SLC35F4: variants seen among roughly 807,000 people sequenced by gnomAD.
SLC35F4 encodes the protein solute carrier family 35 member F4.
Under a neutral mutation model 44.2 loss-of-function variants are expected in SLC35F4, and 24 were observed. The ratio of observed to expected loss-of-function variants is 0.54; its 90% confidence interval spans 0.39 to 0.76. The LOEUF is 0.76. SLC35F4 is among the 30% of genes least tolerant of loss of function. SLC35F4 has a pLI of 0.00. For missense variants in SLC35F4, 562 were observed against 586.1 expected, an observed-to-expected ratio of 0.96 and a Z score of 0.42; for synonymous variants, 238 against 223.6, an observed-to-expected ratio of 1.06 and a Z score of -0.57.
chr14:57,777,524 G>C (rs1392614532), intron 1 of SLC35F4, among the ~76,000 whole-genome samples: 1 of 151,994 alleles, frequency 6.6e-6, no homozygotes, highest in African/African-American at 2.4e-5. Context: ...AACTATCACA[G>C]GGACAGAAAA....
chr14:57,971,609 A>T (rs902501421), intron 1 of SLC35F4, among the ~76,000 whole-genome samples: 1 of 152,194 alleles, frequency 6.6e-6, no homozygotes, highest in African/African-American at 2.4e-5. Context: ...AACCTGGAGG[A>T]CTATGCTAAG....
At chr14:57,717,098 C>T (rs1329788766) in intron 1 of SLC35F4, among the ~76,000 whole-genome samples, 2 of 151,998 alleles carry the variant, frequency 1.3e-5, no homozygotes, top group Middle Eastern at 3.2e-3. Flanking sequence ...TTTCATTATC[C>T]TTTTATGTAG....
intron 1 of SLC35F4, among the ~76,000 whole-genome samples, chr14:57,681,481 C>T (rs940710969): frequency 6.6e-6 from 1 of 151,848 alleles, no homozygotes; most frequent in East Asian, 1.9e-4. Flanking sequence ...TAAAATGATA[C>T]AAAATTTAAC....
Position 57,845,739 on chromosome 14 carries a change from A to AC in SLC35F4, c.103+19983_103+19984insG, listed in dbSNP as rs1210968434. 1.4e-4 allele frequency among the ~76,000 whole-genome samples: 22 copies of AC among 152,290 alleles called. No homozygotes were observed. The East Asian group carries it at 3.7e-3, about 25-fold the overall frequency. ...CATGATCTTTACATCAAGTGTAAAT[A>AC]TTTTTTAAAAAGATAGAACTCTAAA... On this transcript the variant is annotated intron_variant, in intron 1 of 7. Transcript: ENST00000556826.
At chr14:57,810,933 G>T (rs1268145625) in intron 1 of SLC35F4, among the ~76,000 whole-genome samples, 1 of 152,146 alleles carries the variant, frequency 6.6e-6, no homozygotes, top group Admixed American at 6.5e-5. Flanking sequence ...TTCTAATATT[G>T]TCAGGTGACA....
In SLC35F4 at chr14:57,566,559, T is replaced by C. The variant is rs769751736; in HGVS notation, c.1132A>G (p.Asn378Asp). Residue 378 changes from asparagine to aspartate, a missense_variant, in exon 7 of 8, where the codon AAC becomes GAC. By Grantham distance (23) the Asn-to-Asp change is conservative. Transcript: ENST00000556826. The stretch of plus-strand genomic sequence containing the variant: ...ACCACCCCAACATTCACCAGGATGT[T>C]GAAGGCTGTAAAATAGAGGAGGAAA... ...CGMAGLWLAF[N>D]ILVNVGVVLT... 6.3e-7 allele frequency: 1 copy of C among 1,596,914 alleles called. No individual in the cohort carries two copies. The highest frequency in any genetic ancestry group is 1.1e-5 in the South Asian group (1 of 87,314).
chr14:57,729,024 CA>C (rs1249340455), intron 1 of SLC35F4, among the ~76,000 whole-genome samples: 4 of 152,146 alleles, frequency 2.6e-5, no homozygotes, highest in Non-Finnish European at 5.9e-5. Flanking sequence ...AGTCTGCTGC[CA>C]GACATTTTGG....
At chr14:57,970,335 A>G (rs1881015785) in intron 1 of SLC35F4, among the ~76,000 whole-genome samples, 1 of 152,168 alleles carries the variant, frequency 6.6e-6, no homozygotes, top group South Asian at 2.1e-4. Flanking sequence ...ATTCAGCTTG[A>G]TCATCACTTT....
At chr14:57,844,712 T>C (rs1427550019) in intron 1 of SLC35F4, among the ~76,000 whole-genome samples, 1 of 152,166 alleles carries the variant, frequency 6.6e-6, no homozygotes, top group Admixed American at 6.5e-5. Context: ...GGAAGCAAGA[T>C]TTCCTCTGTC....
chr14:57,678,576 A>G (rs994993926), intron 1 of SLC35F4, among the ~76,000 whole-genome samples: 6 of 152,028 alleles, frequency 3.9e-5, no homozygotes, highest in Non-Finnish European at 7.4e-5. Flanking sequence ...CAGACCCACA[A>G]ATTGGATGAA....
intron 1 of SLC35F4, among the ~76,000 whole-genome samples, chr14:57,714,144 A>C (rs1164171674): frequency 6.6e-6 from 1 of 152,228 alleles, no homozygotes; most frequent in Non-Finnish European, 1.5e-5. Context: ...CAAAGAGTAT[A>C]AGAAAATCTT....
intron 1 of SLC35F4, among the ~76,000 whole-genome samples, chr14:57,946,469 C>CT (rs71104596): frequency 0.016 from 1,237 of 78,176 alleles, 30 homozygotes; most frequent in Non-Finnish European, 0.02. Context: ...GTTTTCTTTT[C>CT]TTTTTTTTTT....
intron 1 of SLC35F4, among the ~76,000 whole-genome samples, chr14:57,642,803 G>T (rs1009617699): frequency 6.6e-6 from 1 of 151,754 alleles, no homozygotes. Flanking sequence ...CAGGAATTCA[G>T]ATTTTTACCA....
At chr14:57,680,142 G>A (rs534882466) in intron 1 of SLC35F4, among the ~76,000 whole-genome samples, 2 of 152,022 alleles carry the variant, frequency 1.3e-5, no homozygotes, top group African/African-American at 2.4e-5. Flanking sequence ...CTGGCAAACC[G>A]AATCCAGCAG....
intron 1 of SLC35F4, among the ~76,000 whole-genome samples, chr14:57,710,511 G>A (rs1440112923): frequency 6.6e-6 from 1 of 152,116 alleles, no homozygotes; most frequent in Non-Finnish European, 1.5e-5. Context: ...CCAGACCTCA[G>A]AATTGTAGAT....
chr14:57,910,932 TTTTC>T lies in SLC35F4; in HGVS notation n.282+70977_282+70980del, dbSNP rs1385616983. Among the ~76,000 whole-genome samples, 8 of 152,142 alleles carry T rather than the reference TTTTC, an allele frequency of 5.3e-5. No homozygotes were observed. In the East Asian group the frequency reaches 1.2e-3, roughly 22 times the overall value. The stretch of plus-strand genomic sequence containing the variant: ...TGGAATATGTCTCCATTTATTTGGT[TTTTC>T]TTTGTTATCTTTTATCAGAGATTTG... On this transcript the variant is annotated intron_variant and non_coding_transcript_variant, in intron 1 of 1. Transcript: ENST00000556568.
intron 1 of SLC35F4, among the ~76,000 whole-genome samples, chr14:57,893,305 CA>C (rs1181624769): frequency 6.6e-6 from 1 of 152,172 alleles, no homozygotes; most frequent in African/African-American, 2.4e-5. Context: ...CAATAGCTAT[CA>C]TACATTAAGC....
intron 1 of SLC35F4, among the ~76,000 whole-genome samples, chr14:57,833,781 C>G (rs1486048326): frequency 6.6e-6 from 1 of 152,128 alleles, no homozygotes; most frequent in East Asian, 1.9e-4. Context: ...TTAAATATAC[C>G]ATGGAGACTG....
intron 1 of SLC35F4, among the ~76,000 whole-genome samples, chr14:57,830,082 C>T (rs1305550669): frequency 2.6e-5 from 4 of 151,900 alleles, no homozygotes; most frequent in Non-Finnish European, 5.9e-5. Context: ...TTTAACTTTA[C>T]AAAAATATTC....
Sources: gnomAD v4.1 joint callset for allele counts (sites outside exome capture counted in the v4.1 genomes callset) on GRCh38, gnomAD v4.1.1 for gene constraint, MANE v1.5 for transcripts, NCBI Gene and HGNC (gene_info 2026-07-23, HGNC 2026-07-21) for gene names.